The following TEKT5 variants were observed in gnomAD, a reference collection of about 807,000 sequenced individuals.
TEKT5 encodes the protein tektin 5, also known as tektin-5.
In TEKT5, 52 loss-of-function variants were observed where a neutral mutation model predicts 48.7. That is an observed-to-expected ratio of 1.07 (90% CI 0.86 to 1.35). The LOEUF is 1.35. TEKT5 is among the 40% of genes most tolerant of loss of function. TEKT5 has a pLI of 0.00. For synonymous variants in TEKT5, 318 were observed against 267.6 expected (o/e 1.19, Z -1.84); for missense variants, 831 against 641.6 (o/e 1.30, Z -3.19).
At chr16:10,641,866 C>G (rs1206280824) in intron 5 of TEKT5, among the ~76,000 whole-genome samples, 3 of 152,196 alleles carry the variant, frequency 2.0e-5, no homozygotes, top group Non-Finnish European at 4.4e-5. Context: ...GATCCTGTCC[C>G]TTGAACATCT....
At chr16:10,679,526 C>T (rs1028639591) in intron 4 of TEKT5, among the ~76,000 whole-genome samples, 1 of 151,838 alleles carries the variant, frequency 6.6e-6, no homozygotes, top group Non-Finnish European at 1.5e-5. Context: ...ATGAGAACTG[C>T]AGTGAATAGA....
chr16:10,647,268 G>C (rs1046935330), intron 5 of TEKT5, among the ~76,000 whole-genome samples: 2 of 151,772 alleles, frequency 1.3e-5, no homozygotes, highest in African/African-American at 4.8e-5. Context: ...CCAGGAATTC[G>C]ACCAGCTTGG....
chr16:10,635,927 G>A lies in TEKT5; in HGVS notation c.1087-9C>T. 6.2e-7 allele frequency: 1 copy of A among 1,612,802 alleles called. No individual in the cohort carries two copies. The highest frequency in any genetic ancestry group is 1.3e-5 in the African/African-American group (1 of 74,996). On this transcript the variant is annotated splice_polypyrimidine_tract_variant and intron_variant, in intron 5 of 6. Transcript: ENST00000283025. ...AAGATCTCCTGCAGCGTCTGCGAGG[G>A]AACACACAGGTGTCACCACCCACCA...
chr16:10,683,872 C>T (rs935116711), intron 3 of TEKT5, among the ~76,000 whole-genome samples: 3 of 152,136 alleles, frequency 2.0e-5, no homozygotes, highest in Admixed American at 6.5e-5. Context: ...GGATTATAGG[C>T]ATAAGCCACC....
At chr16:10,678,796 C>G (rs1436567255) in intron 4 of TEKT5, among the ~76,000 whole-genome samples, 5 of 152,208 alleles carry the variant, frequency 3.3e-5, no homozygotes, top group African/African-American at 9.6e-5. Context: ...CAGCTGAGCT[C>G]CCCAGAGAAA....
chr16:10,639,287 C>A (rs1014269579), intron 5 of TEKT5, among the ~76,000 whole-genome samples: 2 of 144,988 alleles, frequency 1.4e-5, no homozygotes, highest in Middle Eastern at 3.4e-3. Context: ...AGCCTGGAGT[C>A]CAAAAAACAA....
chr16:10,645,755 TCA>T (rs1419225239), intron 5 of TEKT5, among the ~76,000 whole-genome samples: 1 of 152,048 alleles, frequency 6.6e-6, no homozygotes, highest in Non-Finnish European at 1.5e-5. Flanking sequence ...GGAGCCAAGA[TCA>T]CACCATTGCA....
chr16:10,660,194 C>G (rs910114959), intron 5 of TEKT5, among the ~76,000 whole-genome samples: 5 of 152,104 alleles, frequency 3.3e-5, no homozygotes, highest in Admixed American at 2.0e-4. Flanking sequence ...CCTCCCTCAA[C>G]CCACTTATTC....
intron 6 of TEKT5, among the ~76,000 whole-genome samples, chr16:10,633,753 C>T (rs371359813): frequency 9.2e-5 from 14 of 152,062 alleles, no homozygotes; most frequent in African/African-American, 2.9e-4. Flanking sequence ...GCTGTGTTGT[C>T]CAGGCTGGTC....
At chr16:10,676,869 A>G (rs979936729) in intron 4 of TEKT5, among the ~76,000 whole-genome samples, 2 of 152,188 alleles carry the variant, frequency 1.3e-5, no homozygotes, top group Admixed American at 1.3e-4. Flanking sequence ...ATAGTTACAC[A>G]TTGTGTTATG....
intron 5 of TEKT5, among the ~76,000 whole-genome samples, chr16:10,659,614 A>G (rs1596409174): frequency 6.6e-6 from 1 of 151,870 alleles, no homozygotes; most frequent in Admixed American, 6.6e-5. Flanking sequence ...GCCCGCCTCA[A>G]CCTCCCAAAG....
intron 6 of TEKT5, among the ~76,000 whole-genome samples, chr16:10,629,066 A>C (rs965547274): frequency 6.6e-6 from 1 of 152,170 alleles, no homozygotes; most frequent in Non-Finnish European, 1.5e-5. Flanking sequence ...ATACGGACAG[A>C]AAGTTAACTG....
rs144366286 is a variant in TEKT5, at chr16:10,676,105, T to G, written c.940A>C (p.Ile314Leu). The G allele has an allele frequency of 5.0e-6, 8 of 1,614,090 alleles. No homozygotes were observed. The African/African-American group carries it at 9.3e-5, about 19-fold the overall frequency. The change falls in exon 5 of 7, where the codon ATC becomes CTC. Residue 314 changes from isoleucine to leucine, a missense_variant. Transcript: ENST00000283025. Reference sequence around the variant, plus strand: ...TGCTCCGCCTCCTCCCGCAGCTGGATGGAGTTGGCCCGCATGTTCTGAGAG... The same window carrying G: ...TGCTCCGCCTCCTCCCGCAGCTGGAGGGAGTTGGCCCGCATGTTCTGAGAG... ...KHSQNMRANS[I>L]QLREEAEHLF... is the part of the protein sequence containing the mutation.
rs138126929 is a variant in TEKT5, at chr16:10,694,693, C to T, written c.181G>A (p.Val61Ile). Residue 61 changes from valine to isoleucine, a missense_variant, in exon 1 of 7, where the codon GTC becomes ATC. By Grantham distance (29) the Val-to-Ile change is conservative. Coordinates refer to ENST00000283025, the MANE Select transcript of TEKT5 (RefSeq NM_144674.2). ...RPSLFYKIAN[V>I]QTCPDESTST... ...GTGCTCTCGTCCGGGCAGGTCTGGA[C>T]GTTGGCTATCTTGTAGAAGAGGCTA... is the stretch of plus-strand genomic sequence containing the variant. 8.8e-3 allele frequency: 14,145 copies of T among 1,613,486 alleles called. 101 individuals carry two copies. The highest frequency in any genetic ancestry group is 0.011 in the Non-Finnish European group (12,406 of 1,179,656).
At chr16:10,690,581 T>C (rs1166373125) in intron 1 of TEKT5, 2 of 985,310 alleles carry the variant, frequency 2.0e-6, no homozygotes, top group African/African-American at 3.5e-5. Context: ...CTGAGAACAC[T>C]GCCCCTAAAT....
chr16:10,627,838 T>A, intron 6 of TEKT5, 39 bp from the exon 7 acceptor site: 1 of 1,572,782 alleles, frequency 6.4e-7, no homozygotes, highest in Middle Eastern at 2.0e-4. Flanking sequence ...GGTTATTCAT[T>A]TATTTTTATT....
chr16:10,684,400 T>G (rs571969366), intron 3 of TEKT5, among the ~76,000 whole-genome samples: 1 of 151,766 alleles, frequency 6.6e-6, no homozygotes, highest in Non-Finnish European at 1.5e-5. Flanking sequence ...TCCATCTTTT[T>G]TTTTTTTTTT....
chr16:10,694,644 A>T lies in TEKT5; in HGVS notation c.230T>A (p.Ile77Asn), dbSNP rs373033166. 6 of 1,612,938 alleles carry T rather than the reference A, an allele frequency of 3.7e-6. No individual in the cohort carries two copies. Among genetic ancestry groups the T allele is most frequent in the Non-Finnish European group, 4.2e-6 (5 of 1,179,398 alleles). Residue 77 changes from isoleucine (I) to asparagine (N), a missense_variant, in exon 1 of 7, where the codon ATC (isoleucine) becomes AAC (asparagine). Physicochemically the swap from Ile to Asn is moderately radical, Grantham distance 149. Coordinates refer to ENST00000283025, the MANE Select transcript of TEKT5 (RefSeq NM_144674.2). The part of the protein sequence containing the change: ...ESTSTLRPPT[I>N]LPTLRSALFS... ...GAGTGCGGAGCGCAGTGTGGGCAGGATGGTGGGCGGCCGCAGGGTACTGGT... is the reference window on the plus strand; with the variant it reads ...GAGTGCGGAGCGCAGTGTGGGCAGGTTGGTGGGCGGCCGCAGGGTACTGGT...
intron 6 of TEKT5, among the ~76,000 whole-genome samples, chr16:10,629,929 G>A (rs754081426): frequency 6.6e-5 from 10 of 152,038 alleles, no homozygotes; most frequent in African/African-American, 1.4e-4. Context: ...ACTTTCCGAG[G>A]GGAGGACTTT....
Sources: gnomAD v4.1 joint callset for allele counts (sites outside exome capture counted in the v4.1 genomes callset) on GRCh38, gnomAD v4.1.1 for gene constraint, MANE v1.5 for transcripts, NCBI Gene and HGNC (gene_info 2026-07-23, HGNC 2026-07-21) for gene names.